Variants in AHCYL2 observed in about 807,000 individuals in gnomAD.
The protein encoded by AHCYL2 is adenosylhomocysteinase like 2.
AHCYL2 carries 28 observed loss-of-function variants against 81.4 expected under a neutral mutation model. The observed-to-expected ratio is 0.34, with a 90% CI of 0.25 to 0.47. AHCYL2 has a LOEUF of 0.47. Ranked by LOEUF, AHCYL2 falls within the 20% of genes least tolerant of loss-of-function variation. The pLI is 1.00. For missense variants in AHCYL2, 551 were observed against 785.1 expected (o/e 0.70, Z 3.56); for synonymous variants, 272 against 290.2 (o/e 0.94, Z 0.64).
chr7:129,256,991 G>T (rs781189741), intron 1 of AHCYL2, among the ~76,000 whole-genome samples: 33 of 152,176 alleles, frequency 2.2e-4, no homozygotes, highest in Non-Finnish European at 3.4e-4. Flanking sequence ...ACCCCCTTTT[G>T]TCTTGACATG....
At chr7:129,405,537 CAT>C (rs746750315) in intron 8 of AHCYL2, 7 of 370,514 alleles carry the variant, frequency 1.9e-5, no homozygotes, top group African/African-American at 4.2e-5. Context: ...AAAACCCTTA[CAT>C]ATAGGATTGG....
At chr7:129,266,060 G>A (rs575434671) in intron 1 of AHCYL2, among the ~76,000 whole-genome samples, 5 of 152,286 alleles carry the variant, frequency 3.3e-5, no homozygotes, top group Non-Finnish European at 5.9e-5. Context: ...TAATTGTATT[G>A]CTACAGTGAC....
chr7:129,384,767 C>A (rs899571798), intron 2 of AHCYL2, among the ~76,000 whole-genome samples: 1 of 152,150 alleles, frequency 6.6e-6, no homozygotes. Context: ...ATTTTATAGA[C>A]TTTTCTTAAT....
intron 1 of AHCYL2, among the ~76,000 whole-genome samples, chr7:129,376,294 C>T (rs925509174): frequency 1.3e-5 from 2 of 152,180 alleles, no homozygotes; most frequent in African/African-American, 4.8e-5. Flanking sequence ...ACCAGGGAGC[C>T]ACTTAACTCA....
intron 1 of AHCYL2, among the ~76,000 whole-genome samples, chr7:129,287,245 T>G (rs1436449607): frequency 6.6e-6 from 1 of 152,228 alleles, no homozygotes; most frequent in Non-Finnish European, 1.5e-5. Context: ...ATGAAAATAC[T>G]TTTAACCTCA....
At chr7:129,381,861 G>A (rs1195522288) in intron 2 of AHCYL2, among the ~76,000 whole-genome samples, 2 of 152,160 alleles carry the variant, frequency 1.3e-5, no homozygotes, top group African/African-American at 2.4e-5. Context: ...GGAAGTGTTA[G>A]TTCTGTAAAC....
chr7:129,423,302 A>C (rs1205889922), intron 13 of AHCYL2, among the ~76,000 whole-genome samples: 1 of 152,178 alleles, frequency 6.6e-6, no homozygotes, highest in African/African-American at 2.4e-5. Context: ...GATATGCCCG[A>C]CTGTAACCAG....
At chr7:129,256,463 T>C (rs993159331) in intron 1 of AHCYL2, among the ~76,000 whole-genome samples, 2 of 151,756 alleles carry the variant, frequency 1.3e-5, no homozygotes, top group South Asian at 2.1e-4. Context: ...AAAATACTTA[T>C]ATCCTTTTGA....
rs2150962544 is a variant in AHCYL2, at chr7:129,419,380, GC to G, written c.1462-3458del. ...ACCAGCCTGACCAACATGGTGAAAC[GC>G]CATATCTACTAAAAATACAAAAATT... On this transcript the variant is annotated intron_variant, in intron 12 of 16. Coordinates refer to ENST00000325006, the MANE Select transcript of AHCYL2 (RefSeq NM_015328.4). This position sits in a 1 kb window ranked among gnomAD's most constrained non-coding sequence, Gnocchi z 4.7. Among the ~76,000 whole-genome samples, 1 of 152,154 alleles carries G rather than the reference GC, an allele frequency of 6.6e-6. No homozygotes were observed. The highest frequency in any genetic ancestry group is 2.4e-5 in the African/African-American group (1 of 41,528).
chr7:129,341,627 G>A (rs756026483), intron 1 of AHCYL2, among the ~76,000 whole-genome samples: 7 of 152,122 alleles, frequency 4.6e-5, no homozygotes, highest in Non-Finnish European at 8.8e-5. Context: ...ATCTGGCGGC[G>A]GCAGTGGCTG....
rs80208394 is a variant in AHCYL2, at chr7:129,417,971, A to T, written c.1461+4283A>T. 1.1e-3 allele frequency among the ~76,000 whole-genome samples: 170 copies of T among 152,342 alleles called. 2 individuals are homozygous for T. The East Asian group carries it at 0.019, about 17-fold the overall frequency. On this transcript the variant is annotated intron_variant, in intron 12 of 16. Transcript: ENST00000325006. ...TCCATTTTAGTTAGGGTAGTCAAGGAAGTCTCTTTGAGGAGATAACACTTT... is the reference window on the plus strand; with the variant it reads ...TCCATTTTAGTTAGGGTAGTCAAGGTAGTCTCTTTGAGGAGATAACACTTT...
At chr7:129,251,890 C>T (rs1795261591) in intron 1 of AHCYL2, among the ~76,000 whole-genome samples, 1 of 152,088 alleles carries the variant, frequency 6.6e-6, no homozygotes, top group Non-Finnish European at 1.5e-5. Context: ...GTGGCTTATA[C>T]ATTTTATGGT....
chr7:129,243,490 G>T (rs1794937676), intron 1 of AHCYL2, among the ~76,000 whole-genome samples: 1 of 152,052 alleles, frequency 6.6e-6, no homozygotes, highest in African/African-American at 2.4e-5. Context: ...TTAGAAACTT[G>T]TACCTATCCT....
At chr7:129,307,955 GT>G (rs970262537) in intron 1 of AHCYL2, among the ~76,000 whole-genome samples, 2 of 151,726 alleles carry the variant, frequency 1.3e-5, no homozygotes, top group Admixed American at 6.6e-5. Context: ...TGGTATCTAA[GT>G]TGTAAAACAA....
intron 1 of AHCYL2, among the ~76,000 whole-genome samples, chr7:129,325,831 G>A (rs995185744): frequency 4.6e-5 from 7 of 151,378 alleles, no homozygotes; most frequent in Non-Finnish European, 7.4e-5. Flanking sequence ...TCAGCCTCCC[G>A]AATAGCTGGG....
chr7:129,305,302 A>C (rs997443584), intron 1 of AHCYL2, among the ~76,000 whole-genome samples: 1 of 152,156 alleles, frequency 6.6e-6, no homozygotes, highest in Non-Finnish European at 1.5e-5. Flanking sequence ...TCTACTAAAA[A>C]TACAAAAATT....
At chr7:129,254,445 TACA>T (rs1795342221) in intron 1 of AHCYL2, among the ~76,000 whole-genome samples, 1 of 152,236 alleles carries the variant, frequency 6.6e-6, no homozygotes, top group Non-Finnish European at 1.5e-5. Flanking sequence ...GACTTCTTAG[TACA>T]ACATGTTAAT....
chr7:129,383,987 A>G (rs1795086955), intron 2 of AHCYL2, among the ~76,000 whole-genome samples: 5 of 152,186 alleles, frequency 3.3e-5, no homozygotes. Context: ...ACAGATTTTA[A>G]GTGTTCTCAC....
intron 1 of AHCYL2, among the ~76,000 whole-genome samples, chr7:129,286,218 AC>A (rs1201404238): frequency 1.3e-5 from 2 of 151,078 alleles, no homozygotes; most frequent in Non-Finnish European, 3.0e-5. Flanking sequence ...TAGTTCTCAA[AC>A]TTTTTTGTCT....
Sources: allele counts gnomAD v4.1 joint callset (sites outside exome capture counted in the v4.1 genomes callset), GRCh38; gene constraint gnomAD v4.1.1; non-coding constraint Gnocchi (gnomAD v3.1); transcripts MANE v1.5; gene names NCBI Gene and HGNC (gene_info 2026-07-23, HGNC 2026-07-21).